Variants in SYNGR1 observed in about 807,000 individuals in gnomAD.
The protein encoded by SYNGR1 is synaptogyrin-1.
In SYNGR1, 14 loss-of-function variants were observed where a neutral mutation model predicts 26.1. That is an observed-to-expected ratio of 0.54 (90% CI 0.35 to 0.84). The LOEUF (loss-of-function observed/expected upper bound fraction) is 0.84. SYNGR1 is among the 40% of genes least tolerant of loss of function. The pLI is 0.01. For synonymous variants in SYNGR1, 141 were observed against 150.1 expected (o/e 0.94, Z 0.44); for missense variants, 319 against 332.9 (o/e 0.96, Z 0.33).
chr22:39,379,848 T>TA (rs2145634691), intron 3 of SYNGR1: 1 of 152,310 alleles, frequency 6.6e-6, no homozygotes, highest in South Asian at 2.1e-4. Context: ...AGGGAAGGGT[T>TA]CTAGCAGTAA....
chr22:39,359,243 C>T (rs557921534), intron 1 of SYNGR1, among the ~76,000 whole-genome samples: 3 of 152,230 alleles, frequency 2.0e-5, no homozygotes, highest in South Asian at 2.1e-4. Context: ...ACATTGTCCC[C>T]CAGCTTTGAA....
At chr22:39,353,526 A>T (rs1391891927) in intron 1 of SYNGR1, among the ~76,000 whole-genome samples, 1 of 152,144 alleles carries the variant, frequency 6.6e-6, no homozygotes, top group Non-Finnish European at 1.5e-5. Context: ...TCTTGGTGTC[A>T]TCGCCCCAGT....
rs754654528 is a variant in SYNGR1, at chr22:39,359,343, C to T, written c.99+9234C>T. Among the ~76,000 whole-genome samples the T allele has an allele frequency of 2.1e-4, 32 of 152,116 alleles. No homozygotes were observed. The East Asian group carries it at 3.3e-3, about 16-fold the overall frequency. On this transcript the variant is annotated intron_variant, in intron 1 of 3. Coordinates refer to ENST00000328933, the MANE Select transcript of SYNGR1 (RefSeq NM_004711.5). ...GTTCTTCAAAGATGCCCCCCCAGGC[C>T]GGGCACGGTGGCTCACGCCTGTAAT...
intron 1 of SYNGR1, among the ~76,000 whole-genome samples, chr22:39,372,120 ATTCTTTTTTT>A (rs914566272): frequency 8.4e-5 from 11 of 131,098 alleles, no homozygotes; most frequent in African/African-American, 3.2e-4. Flanking sequence ...GGGTAGATCC[ATTCTTTTTTT>A]TTTTTTTTTT....
intron 3 of SYNGR1, among the ~76,000 whole-genome samples, chr22:39,376,840 A>C (rs892963960): frequency 6.6e-6 from 1 of 152,244 alleles, no homozygotes; most frequent in Admixed American, 6.5e-5. Context: ...GAATTTTTAC[A>C]TGAAATCTGA....
chr22:39,350,077 C>A lies in SYNGR1; in HGVS notation c.67C>A (p.Gln23Lys), dbSNP rs752106477. The change falls in exon 1 of 4, where the codon CAG becomes AAG. Residue 23 changes from glutamine (Q) to lysine (K), a missense_variant. Gln to Lys is a moderately conservative substitution (Grantham distance 53). Transcript: ENST00000328933. This position sits in a 1 kb window ranked among gnomAD's most constrained non-coding sequence, Gnocchi z 4.3. ...GAFDPYTLVRQPHTILRVVSW... is the reference protein window; with the variant it reads ...GAFDPYTLVRKPHTILRVVSW... Reference sequence around the variant, plus strand: ...CTTCGACCCCTACACCCTGGTCCGGCAGCCGCACACCATCCTGCGCGTCGT... The same window carrying A: ...CTTCGACCCCTACACCCTGGTCCGGAAGCCGCACACCATCCTGCGCGTCGT... The A allele has an allele frequency of 6.8e-7, 1 of 1,467,712 alleles. No individual in the cohort carries two copies. Among genetic ancestry groups the A allele is most frequent in the South Asian group, 1.3e-5 (1 of 79,628 alleles). The allele number at this position is 1,467,712 out of a possible 1,614,324, so 90.9% of individuals were successfully genotyped here.
chr22:39,364,281 C>T (rs754758729), intron 1 of SYNGR1: 1 of 1,613,822 alleles, frequency 6.2e-7, no homozygotes, highest in African/African-American at 1.3e-5. Flanking sequence ...GCTGGAGGAG[C>T]AGGCCCGGAT....
rs1925595600 is a variant in SYNGR1, at chr22:39,384,460, C to T, written c.*2546C>T. ...CAGAAGCCCTTCCAGGCATGATCTT[C>T]CCCATCAGGCTGGGCTCTGGCAGGG... On this transcript the variant is annotated 3_prime_UTR_variant, in exon 4 of 4. Coordinates refer to ENST00000328933, the MANE Select transcript of SYNGR1 (RefSeq NM_004711.5). 5.0e-6 allele frequency: 2 copies of T among 398,362 alleles called. No individual in the cohort carries two copies. Among genetic ancestry groups the T allele is most frequent in the South Asian group, 2.6e-4 (2 of 7,644 alleles). The allele number at this position is 398,362 out of a possible 1,614,324, so 24.7% of individuals were successfully genotyped here. A position where few individuals can be genotyped will look rare whatever the true frequency, so the allele number is the denominator to read the frequency against.
Position 39,384,747 on chromosome 22 carries a change from T to C in SYNGR1, c.*2833T>C. The stretch of plus-strand genomic sequence containing the variant: ...AGCTGGACCCTGCAGGGTGGCTCCC[T>C]CCTCCCCATCAAGCACAAGAGAGGG... On this transcript the variant is annotated 3_prime_UTR_variant, in exon 4 of 4. Coordinates refer to ENST00000328933, the MANE Select transcript of SYNGR1 (RefSeq NM_004711.5). 2.5e-6 allele frequency: 1 copy of C among 398,906 alleles called. No homozygotes were observed. Among genetic ancestry groups the C allele is most frequent in the Non-Finnish European group, 4.4e-6 (1 of 226,008 alleles). The allele number at this position is 398,906 out of a possible 1,614,324, so 24.7% of individuals were successfully genotyped here.
intron 2 of SYNGR1, 88 bp from the exon 3 acceptor site, chr22:39,375,964 C>A: frequency 1.3e-6 from 2 of 1,564,864 alleles, no homozygotes; most frequent in Non-Finnish European, 1.8e-6. Flanking sequence ...GAATGTCCCT[C>A]TGTTCCTCGG....
intron 1 of SYNGR1, among the ~76,000 whole-genome samples, chr22:39,373,257 C>A (rs546833954): frequency 6.6e-6 from 1 of 152,174 alleles, no homozygotes; most frequent in East Asian, 1.9e-4. Flanking sequence ...CAACCTCCAC[C>A]TCCCAGGTTC....
intron 1 of SYNGR1, among the ~76,000 whole-genome samples, chr22:39,359,359 C>T (rs962351380): frequency 1.3e-5 from 2 of 151,890 alleles, no homozygotes; most frequent in Non-Finnish European, 2.9e-5. Flanking sequence ...CGGTGGCTCA[C>T]GCCTGTAATC....
At chr22:39,374,941 C>T (rs972544292) in intron 2 of SYNGR1, 1 of 317,446 alleles carries the variant, frequency 3.2e-6, no homozygotes, top group Non-Finnish European at 6.0e-6. Flanking sequence ...CAGTGCACAG[C>T]AGGGGCCCTG....
intron 1 of SYNGR1, among the ~76,000 whole-genome samples, chr22:39,369,290 C>T (rs532379490): frequency 3.9e-5 from 6 of 152,140 alleles, no homozygotes; most frequent in African/African-American, 7.2e-5. Flanking sequence ...AGCAGCTGGC[C>T]GTGTACTGCA....
At chr22:39,358,719 A>G (rs968935898) in intron 1 of SYNGR1, among the ~76,000 whole-genome samples, 2 of 152,164 alleles carry the variant, frequency 1.3e-5, no homozygotes, top group Admixed American at 6.6e-5. Context: ...TAAGAGCTGT[A>G]ACACTCACCG....
intron 1 of SYNGR1, among the ~76,000 whole-genome samples, chr22:39,374,048 G>A (rs559818020): frequency 3.9e-5 from 6 of 152,302 alleles, no homozygotes; most frequent in Admixed American, 2.0e-4. Context: ...GGACCTGGCT[G>A]AGGGGTGTTG....
In SYNGR1 at chr22:39,374,369, C is replaced by T. The variant is rs201803771; in HGVS notation, c.153C>T (p.Ser51=). The change falls in exon 2 of 4, where the codon AGC becomes AGT. Residue 51 remains serine, a synonymous_variant. Coordinates refer to ENST00000328933, the MANE Select transcript of SYNGR1 (RefSeq NM_004711.5). Reference sequence around the variant, plus strand: ...TCGTGAACGAGGGCTACCTCAACAGCGCCTCCGAGGGGGAGGAGTTCTGCA... The same window carrying T: ...TCGTGAACGAGGGCTACCTCAACAGTGCCTCCGAGGGGGAGGAGTTCTGCA... ...GSIVNEGYLN[S]ASEGEEFCIY... 2.5e-5 allele frequency: 41 copies of T among 1,614,036 alleles called. No homozygotes were observed. In the Admixed American group the frequency reaches 3.0e-4, roughly 12 times the overall value.
At chr22:39,366,643 C>G (rs1375319754) in intron 1 of SYNGR1, among the ~76,000 whole-genome samples, 2 of 152,034 alleles carry the variant, frequency 1.3e-5, no homozygotes, top group Non-Finnish European at 2.9e-5. Flanking sequence ...GAGACTCCAT[C>G]TCAAAAATAT....
intron 1 of SYNGR1, among the ~76,000 whole-genome samples, chr22:39,352,861 T>G (rs1923971722): frequency 6.6e-6 from 1 of 152,170 alleles, no homozygotes; most frequent in Non-Finnish European, 1.5e-5. Flanking sequence ...GAACCTGTGA[T>G]TGTTTTTTTT....
Sources: allele counts gnomAD v4.1 joint callset (sites outside exome capture counted in the v4.1 genomes callset), GRCh38; gene constraint gnomAD v4.1.1; non-coding constraint Gnocchi (gnomAD v3.1); transcripts MANE v1.5; gene names NCBI Gene and HGNC (gene_info 2026-07-23, HGNC 2026-07-21).